The following PPP2R1A variants were observed in gnomAD, a reference collection of about 807,000 sequenced individuals.
PPP2R1A encodes the protein serine/threonine-protein phosphatase 2A 65 kDa regulatory subunit A alpha isoform.
Under a neutral mutation model 67.1 loss-of-function variants are expected in PPP2R1A, and 15 were observed. That is an observed-to-expected ratio of 0.22 (90% CI 0.15 to 0.34). The LOEUF (loss-of-function observed/expected upper bound fraction) is 0.34. Among genes scored for constraint, PPP2R1A ranks in the 10% least tolerant of loss-of-function variants. The pLI, the probability that PPP2R1A is intolerant of heterozygous loss-of-function variation, is 1.00. For missense variants in PPP2R1A, 369 were observed against 775.0 expected (o/e 0.48, Z 6.22); for synonymous variants, 337 against 325.0 (o/e 1.04, Z -0.40).
Position 52,219,150 on chromosome 19 carries a change from G to C in PPP2R1A, c.1129-541G>C, listed in dbSNP as rs1037996090. Among the ~76,000 whole-genome samples, 3 of 152,214 alleles carry C rather than the reference G, an allele frequency of 2.0e-5. No individual in the cohort carries two copies. Among genetic ancestry groups the C allele is most frequent in the Non-Finnish European group, 2.9e-5 (2 of 68,028 alleles). On this transcript the variant is annotated intron_variant, in intron 9 of 14. Transcript: ENST00000322088. The surrounding 1 kb of genome is among the most constrained non-coding windows in gnomAD (Gnocchi z 4.0). ...GCAGCTTGAGGCTCACACAGCAAGG[G>C]CTGGAGCTGGGCAAGGGCCAGTCCT... is the stretch of plus-strand genomic sequence containing the variant.
rs1392374575 is a variant in PPP2R1A at position 52,228,299 on chromosome 19, G to C, written c.*2318G>C. The C allele has an allele frequency of 3.9e-5, 6 of 152,224 alleles. No homozygotes were observed. In the East Asian group the frequency reaches 1.2e-3, roughly 29 times the overall value. 9.4% of individuals were successfully genotyped at this position (152,224 alleles called of 1,614,324 possible). On this transcript the variant is annotated 3_prime_UTR_variant, in exon 15 of 15. Transcript: ENST00000322088. ...GTGAGTATGAGAGACGAGGGTGAAG[G>C]ATAGCTTGAGTTATTGAACGCTGGC...
rs201646520 is a variant in PPP2R1A, at chr19:52,202,082, T to C, written c.169+48T>C. ...CCCAGATGTGGGGACTCTTGGGAGG[T>C]GGTTTTCACTATATAAGAGAAGACT... On this transcript the variant is annotated intron_variant, in intron 2 of 14. Coordinates refer to ENST00000322088, the MANE Select transcript of PPP2R1A (RefSeq NM_014225.6). 2.4e-4 allele frequency: 351 copies of C among 1,480,858 alleles called. 3 individuals are homozygous for C. In the African/African-American group the frequency reaches 4.7e-3, roughly 20 times the overall value. 91.7% of individuals were successfully genotyped at this position (1,480,858 alleles called of 1,614,324 possible). A position where few individuals can be genotyped will look rare whatever the true frequency, so the allele number is the denominator to read the frequency against.
At chr19:52,200,731 C>T (rs113654714) in intron 1 of PPP2R1A, among the ~76,000 whole-genome samples, 237 of 152,362 alleles carry the variant, frequency 1.6e-3, no homozygotes, top group African/African-American at 5.5e-3. Context: ...CTTCTGGTGG[C>T]TCCAGCAATT....
chr19:52,201,942 A>T lies in PPP2R1A; in HGVS notation c.79-2A>T. ...CCCCTCCTCTTCTTGTTCTCTCATT[A>T]GCTTCGCCTCAACAGCATCAAGAAG... On this transcript the variant is annotated splice_acceptor_variant, in intron 1 of 14. Coordinates refer to ENST00000322088, the MANE Select transcript of PPP2R1A (RefSeq NM_014225.6). LOFTEE classifies it high-confidence loss of function. 1 of 1,613,820 alleles carries T rather than the reference A, an allele frequency of 6.2e-7. No homozygotes were observed.
intron 3 of PPP2R1A, among the ~76,000 whole-genome samples, chr19:52,206,391 T>C (rs550552348): frequency 6.6e-6 from 1 of 152,340 alleles, no homozygotes; most frequent in East Asian, 1.9e-4. Context: ...ACTTACCCTC[T>C]CTGTGCTGTA....
At chr19:52,215,129 C>G (rs567232337) in intron 6 of PPP2R1A, among the ~76,000 whole-genome samples, 1 of 152,208 alleles carries the variant, frequency 6.6e-6, no homozygotes, top group African/African-American at 2.4e-5. Context: ...AGTCACGGCT[C>G]ACTGCAGCCT....
intron 11 of PPP2R1A, among the ~76,000 whole-genome samples, chr19:52,220,509 T>C (rs1435536227): frequency 6.6e-6 from 1 of 152,194 alleles, no homozygotes; most frequent in Non-Finnish European, 1.5e-5. Flanking sequence ...TTTTGAATCC[T>C]GCCCTTGGGG....
Position 52,205,976 on chromosome 19 carries a change from T to C in PPP2R1A, c.183T>C (p.Asp61=), listed in dbSNP as rs2089597535. 1.2e-6 allele frequency: 2 copies of C among 1,613,824 alleles called. No individual in the cohort carries two copies. The highest frequency in any genetic ancestry group is 1.3e-5 in the African/African-American group (1 of 74,920). ...TTGGTTCCACAGATACCATCTATGA[T>C]GAAGATGAGGTCCTCCTGGCCCTGG... The part of the protein sequence containing the change: ...LLPFLTDTIY[D]EDEVLLALAE... The change falls in exon 3 of 15, where the codon GAT becomes GAC. Residue 61 remains aspartate, a synonymous_variant. Coordinates refer to ENST00000322088, the MANE Select transcript of PPP2R1A (RefSeq NM_014225.6).
At chr19:52,214,945 C>G (rs941015811) in intron 6 of PPP2R1A, among the ~76,000 whole-genome samples, 1 of 152,104 alleles carries the variant, frequency 6.6e-6, no homozygotes, top group African/African-American at 2.4e-5. Flanking sequence ...AGGCTGGTCT[C>G]GAATTCCTGG....
intron 3 of PPP2R1A, among the ~76,000 whole-genome samples, chr19:52,207,172 AC>A (rs1386198971): frequency 6.6e-5 from 10 of 152,198 alleles, no homozygotes; most frequent in Admixed American, 6.5e-4. Flanking sequence ...ATCGTTTCAT[AC>A]ATTTTACACA....
intron 12 of PPP2R1A, 140 bp from the exon 13 acceptor site, chr19:52,221,959 C>A: frequency 1.3e-6 from 1 of 760,242 alleles, no homozygotes; most frequent in South Asian, 2.0e-5. Flanking sequence ...TTGGGAGATT[C>A]ACTCCACTAA....
chr19:52,196,323 T>C (rs1314966691), intron 1 of PPP2R1A, among the ~76,000 whole-genome samples: 1 of 152,202 alleles, frequency 6.6e-6, no homozygotes, highest in Non-Finnish European at 1.5e-5. Context: ...TTCTCTTTAT[T>C]TCTCATATAG....
In PPP2R1A at chr19:52,228,192, A is replaced by G. The variant is rs1979374224; in HGVS notation, c.*2211A>G. 1 of 152,260 alleles carries G rather than the reference A, an allele frequency of 6.6e-6. No individual in the cohort carries two copies. The highest frequency in any genetic ancestry group is 2.4e-5 in the African/African-American group (1 of 41,410). The allele number at this position is 152,260 out of a possible 1,614,324, so 9.4% of individuals were successfully genotyped here. A position where few individuals can be genotyped will look rare whatever the true frequency, so the allele number is the denominator to read the frequency against. ...GGCTGCTAGATTGGGCAAGTGATGG[A>G]ATGGGATTATTACAGGAGGTGGAGG... is the stretch of plus-strand genomic sequence containing the variant. On this transcript the variant is annotated 3_prime_UTR_variant, in exon 15 of 15. Coordinates refer to ENST00000322088, the MANE Select transcript of PPP2R1A (RefSeq NM_014225.6).
At position 52,216,079 on chromosome 19, in the gene PPP2R1A, CAG is replaced by C. The variant is rs776567827; in HGVS notation, c.993+10_993+11del. 7.4e-6 allele frequency: 12 copies of C among 1,611,676 alleles called. No homozygotes were observed. Among genetic ancestry groups the C allele is most frequent in the Admixed American group, 1.7e-5 (1 of 60,008 alleles). ...CAGATCTTGCCCTGCATCAAGGTAA[CAG>C]AGAGTTTGATGGGAGGAACCAAGTG... On this transcript the variant is annotated splice_donor_region_variant and intron_variant, in intron 8 of 14. Transcript: ENST00000322088. This position sits in a 1 kb window ranked among gnomAD's most constrained non-coding sequence, Gnocchi z 4.3.
rs1468656822 is a variant in PPP2R1A at position 52,211,582 on chromosome 19, C to T, written c.503+90C>T. The T allele has an allele frequency of 1.5e-6, 2 of 1,325,378 alleles. No homozygotes were observed. The highest frequency in any genetic ancestry group is 2.1e-6 in the Non-Finnish European group (2 of 967,782). The allele number at this position is 1,325,378 out of a possible 1,614,324, so 82.1% of individuals were successfully genotyped here. A position where few individuals can be genotyped will look rare whatever the true frequency, so the allele number is the denominator to read the frequency against. On this transcript the variant is annotated intron_variant, in intron 4 of 14. Transcript: ENST00000322088. The surrounding 1 kb of genome is among the most constrained non-coding windows in gnomAD (Gnocchi z 5.3). ...AGACTCCTTTTGGTCTAGCTGGGGC[C>T]CAAATGCCCCTGAACTCTCTCCACT... is the stretch of plus-strand genomic sequence containing the variant.
chr19:52,220,352 C>G, intron 11 of PPP2R1A, 103 bp downstream of exon 11: 1 of 1,253,524 alleles, frequency 8.0e-7, no homozygotes, highest in Non-Finnish European at 1.2e-6. Flanking sequence ...AGAGTCACTC[C>G]CCACGCCGCT....
At chr19:52,207,683 G>C (rs2122317552) in intron 3 of PPP2R1A, among the ~76,000 whole-genome samples, 1 of 152,314 alleles carries the variant, frequency 6.6e-6, no homozygotes, top group South Asian at 2.1e-4. Flanking sequence ...CATCCCAAGA[G>C]CCTTACACAG....
At chr19:52,221,211 C>G in intron 12 of PPP2R1A, 78 bp downstream of exon 12, 1 of 1,563,344 alleles carries the variant, frequency 6.4e-7, no homozygotes, top group South Asian at 1.1e-5. Flanking sequence ...AGAGGGTTCC[C>G]CAAGGGAGAC....
At chr19:52,214,680 G>A (rs780227210) in intron 6 of PPP2R1A, among the ~76,000 whole-genome samples, 2 of 151,532 alleles carry the variant, frequency 1.3e-5, no homozygotes, top group Non-Finnish European at 2.9e-5. Flanking sequence ...GGAGCCGTGC[G>A]TCTTTCCATG....
Sources: allele counts gnomAD v4.1 joint callset (sites outside exome capture counted in the v4.1 genomes callset), GRCh38; gene constraint gnomAD v4.1.1; non-coding constraint Gnocchi (gnomAD v3.1); transcripts MANE v1.5; gene names NCBI Gene and HGNC (gene_info 2026-07-23, HGNC 2026-07-21).